NCOA3: variants seen among roughly 807,000 people sequenced by gnomAD.
The protein encoded by NCOA3 is nuclear receptor coactivator 3.
In NCOA3, 51 loss-of-function variants were observed where a neutral mutation model predicts 158.8. The observed-to-expected ratio is 0.32, with a 90% CI of 0.26 to 0.41. NCOA3 has a LOEUF of 0.41. Ranked by LOEUF, NCOA3 falls within the 10% of genes least tolerant of loss-of-function variation. The pLI, the probability that NCOA3 is intolerant of heterozygous loss-of-function variation, is 1.00. For missense variants in NCOA3, 1,510 were observed against 1,746.6 expected (o/e 0.86, Z 2.41); for synonymous variants, 537 against 592.4 (o/e 0.91, Z 1.36).
intron 2 of NCOA3, among the ~76,000 whole-genome samples, chr20:47,589,427 G>T (rs564206604): frequency 6.6e-6 from 1 of 151,850 alleles, no homozygotes; most frequent in Admixed American, 6.6e-5. Context: ...TCAGGCTGAC[G>T]TGCAGTGGCG....
intron 1 of NCOA3, among the ~76,000 whole-genome samples, chr20:47,568,749 T>TTG (rs1371189979): frequency 7.9e-5 from 12 of 151,770 alleles, no homozygotes; most frequent in African/African-American, 2.9e-4. Context: ...TGAGCCAATA[T>TTG]TGTGCCACCA....
intron 1 of NCOA3, among the ~76,000 whole-genome samples, chr20:47,539,760 A>G (rs1303695951): frequency 6.6e-6 from 1 of 152,312 alleles, no homozygotes; most frequent in African/African-American, 2.4e-5. Flanking sequence ...CCTGGCCTCA[A>G]GTGATCCGCC....
chr20:47,623,849 C>G, intron 3 of NCOA3, 62 bp from the exon 4 acceptor site: 2 of 1,465,770 alleles, frequency 1.4e-6, no homozygotes, highest in Non-Finnish European at 1.9e-6. Flanking sequence ...ATTCTGCTAA[C>G]AGCTCTTTTG....
chr20:47,652,873 A>G (rs2086819174), intron 21 of NCOA3, 58 bp from the exon 22 acceptor site: 6 of 1,577,886 alleles, frequency 3.8e-6, no homozygotes, highest in South Asian at 2.2e-5. Flanking sequence ...TTCTGTGGGC[A>G]TGCCCTTTGT....
At chr20:47,642,496 G>A in intron 17 of NCOA3, 112 bp downstream of exon 17, 1 of 607,400 alleles carries the variant, frequency 1.6e-6, no homozygotes, top group Non-Finnish European at 2.5e-6. Context: ...TAGTACTTGT[G>A]TTATATCACT....
intron 1 of NCOA3, among the ~76,000 whole-genome samples, chr20:47,534,108 G>T (rs750948971): frequency 2.7e-5 from 4 of 147,528 alleles, no homozygotes; most frequent in East Asian, 2.0e-4. Context: ...TGGTTTCAGT[G>T]GGGGGGGCGG....
Position 47,627,998 on chromosome 20 carries a change from C to G in NCOA3, c.798C>G (p.Ser266Arg). Residue 266 changes from serine to arginine, a missense_variant, in exon 8 of 23, where the codon AGC (serine) becomes AGG (arginine). Physicochemically the swap from Ser to Arg is moderately radical, Grantham distance 110. Transcript: ENST00000371998. The part of the protein sequence containing the change: ...GERTFPSNPE[S>R]FITRHDLSGK... ...GAACATTTCCATCAAACCCTGAGAG[C>G]TTTATTACCAGACATGATCTTTCAG... 1 of 1,613,506 alleles carries G rather than the reference C, an allele frequency of 6.2e-7. No homozygotes were observed. Among genetic ancestry groups the G allele is most frequent in the Non-Finnish European group, 8.5e-7 (1 of 1,179,524 alleles).
At chr20:47,512,664 A>G (rs1305133671) in intron 1 of NCOA3, among the ~76,000 whole-genome samples, 1 of 152,186 alleles carries the variant, frequency 6.6e-6, no homozygotes, top group Non-Finnish European at 1.5e-5. Flanking sequence ...AAGATGCTCA[A>G]CATCAGCCAT....
chr20:47,535,504 A>T (rs553648854), intron 1 of NCOA3, among the ~76,000 whole-genome samples: 62 of 150,460 alleles, frequency 4.1e-4, no homozygotes, highest in African/African-American at 1.5e-3. Flanking sequence ...AATGAGTGCA[A>T]GGTTTTTTTG....
In NCOA3 at chr20:47,525,523, C is replaced by A. The variant is rs1264384267; in HGVS notation, c.-99+23504C>A. Reference sequence around the variant, plus strand: ...CAATAGGGGCGGCCGGGCAGAGGCGCCCCTCACCTCCTGGACGGGGCGGCT... The same window carrying A: ...CAATAGGGGCGGCCGGGCAGAGGCGACCCTCACCTCCTGGACGGGGCGGCT... On this transcript the variant is annotated intron_variant, in intron 1 of 22. Coordinates refer to ENST00000371998, the MANE Select transcript of NCOA3 (RefSeq NM_181659.3). 1.5e-4 allele frequency among the ~76,000 whole-genome samples: 22 copies of A among 148,700 alleles called. 1 individual carries two copies. Among genetic ancestry groups the A allele is most frequent in the Non-Finnish European group, 3.0e-4 (20 of 66,598 alleles).
In NCOA3 at chr20:47,654,519, G is replaced by C. The variant is rs1200759767; in HGVS notation, c.*1102G>C. ...TTGATTTCAGTAAGCTGTGTGGTGAGGCTACCAGTGGAAGAGACATCCCTT... is the reference window on the plus strand; with the variant it reads ...TTGATTTCAGTAAGCTGTGTGGTGACGCTACCAGTGGAAGAGACATCCCTT... On this transcript the variant is annotated 3_prime_UTR_variant, in exon 23 of 23. Transcript: ENST00000371998. 6.6e-6 allele frequency: 1 copy of C among 152,538 alleles called. No homozygotes were observed. Among genetic ancestry groups the C allele is most frequent in the East Asian group, 1.9e-4 (1 of 5,194 alleles). The allele number at this position is 152,538 out of a possible 1,614,324, so 9.4% of individuals were successfully genotyped here.
chr20:47,570,939 T>TAC (rs71183265), intron 1 of NCOA3, among the ~76,000 whole-genome samples: 11,326 of 114,882 alleles, frequency 0.099, 600 homozygotes, highest in Non-Finnish European at 0.11. Flanking sequence ...GTAATATATA[T>TAC]ACACACACAC....
intron 2 of NCOA3, among the ~76,000 whole-genome samples, chr20:47,594,574 A>G (rs1266655253): frequency 7.1e-6 from 1 of 140,922 alleles, no homozygotes; most frequent in African/African-American, 2.6e-5. Context: ...CTGAGGCAGG[A>G]GAATCCCTTG....
intron 2 of NCOA3, among the ~76,000 whole-genome samples, chr20:47,620,956 T>A (rs2086230985): frequency 6.6e-6 from 1 of 152,328 alleles, no homozygotes; most frequent in South Asian, 2.1e-4. Context: ...CGTTTGAAAA[T>A]ACAATACCCC....
rs76088783 is a variant in NCOA3, at chr20:47,637,799, GTT to G, written c.2512+29_2512+30del. The G allele has an allele frequency of 1.9e-3, 2,586 of 1,384,588 alleles. No homozygotes were observed. The highest frequency in any genetic ancestry group is 4.8e-3 in the South Asian group (353 of 73,432). The allele number at this position is 1,384,588 out of a possible 1,614,324, so 85.8% of individuals were successfully genotyped here. A position where few individuals can be genotyped will look rare whatever the true frequency, so the allele number is the denominator to read the frequency against. ...AATTCTCTGGGTAAGAATGAACTAG[GTT>G]TTTTTTTTTTTTGCTGCCTTTGAAA... On this transcript the variant is annotated intron_variant, in intron 13 of 22. Transcript: ENST00000371998.
chr20:47,637,820 T>C (rs778055469), intron 13 of NCOA3, 37 bp downstream of exon 13: 2 of 1,559,466 alleles, frequency 1.3e-6, no homozygotes, highest in Non-Finnish European at 1.7e-6. Context: ...TTTTGCTGCC[T>C]TTGAAACTTT....
rs114330377 is a variant in NCOA3 at position 47,589,416 on chromosome 20, C to T, written c.-20+6155C>T. On this transcript the variant is annotated intron_variant, in intron 2 of 22. Coordinates refer to ENST00000371998, the MANE Select transcript of NCOA3 (RefSeq NM_181659.3). ...TTTGAGATAGAGTCTCGCTCTGTCA[C>T]TCAGGCTGACGTGCAGTGGCGCACC... 7.4e-3 allele frequency among the ~76,000 whole-genome samples: 1,119 copies of T among 152,242 alleles called. 13 individuals are homozygous for T. Among genetic ancestry groups the T allele is most frequent in the African/African-American group, 0.025 (1,058 of 41,544 alleles).
In NCOA3 at chr20:47,635,610, A is replaced by G. The variant is rs748642979; in HGVS notation, c.1401A>G (p.Pro467=). 2.5e-6 allele frequency: 4 copies of G among 1,614,164 alleles called. No homozygotes were observed. The highest frequency in any genetic ancestry group is 2.2e-5 in the South Asian group (2 of 91,082). Reference sequence around the variant, plus strand: ...ATGGGCTCAACATGAGTAGCCCCCCACATGGGAGTCCTGGTCTTGCCCCAA... The same window carrying G: ...ATGGGCTCAACATGAGTAGCCCCCCGCATGGGAGTCCTGGTCTTGCCCCAA... ...NNYGLNMSSP[P]HGSPGLAPNQ... is the part of the protein sequence containing the mutation. Residue 467 remains proline (P), a synonymous_variant, in exon 11 of 23, where the codon CCA becomes CCG. Coordinates refer to ENST00000371998, the MANE Select transcript of NCOA3 (RefSeq NM_181659.3).
At chr20:47,640,270 G>C (rs1382002469) in intron 16 of NCOA3, among the ~76,000 whole-genome samples, 4 of 152,184 alleles carry the variant, frequency 2.6e-5, no homozygotes, top group Non-Finnish European at 5.9e-5. Flanking sequence ...ATACAACCAT[G>C]TTGTCCAGCC....
Sources: gnomAD v4.1 joint callset for allele counts (sites outside exome capture counted in the v4.1 genomes callset) on GRCh38, gnomAD v4.1.1 for gene constraint, MANE v1.5 for transcripts, NCBI Gene and HGNC (gene_info 2026-07-23, HGNC 2026-07-21) for gene names.